Variants in COL19A1 observed in about 807,000 individuals in gnomAD.
COL19A1 encodes collagen type XIX alpha 1 chain.
In COL19A1, 159 loss-of-function variants were observed where a neutral mutation model predicts 190.2. The ratio of observed to expected loss-of-function variants is 0.84; its 90% CI spans 0.73 to 0.95. COL19A1 has a LOEUF of 0.95. Ranked by LOEUF, COL19A1 falls within the 40% of genes least tolerant of loss-of-function variation. The pLI is 0.00. For missense variants in COL19A1, 1,418 were observed against 1,431.9 expected (o/e 0.99, Z 0.16); for synonymous variants, 509 against 458.9 (o/e 1.11, Z -1.39).
chr6:69,938,661 G>A (rs1258924947), intron 9 of COL19A1, among the ~76,000 whole-genome samples: 1 of 152,128 alleles, frequency 6.6e-6, no homozygotes, highest in Non-Finnish European at 1.5e-5. Context: ...GTTAGGTGCT[G>A]TAGGAGAGTT....
chr6:70,211,912 G>GA lies in COL19A1; in HGVS notation c.*4646dup, dbSNP rs991917290. On this transcript the variant is annotated 3_prime_UTR_variant, in exon 51 of 51. Coordinates refer to ENST00000620364, the MANE Select transcript of COL19A1 (RefSeq NM_001858.6). Reference sequence around the variant, plus strand: ...AGCTAAGTCTAAGAAAATCTAAATGGAAAAAAAATTGCGTGTTCAGATCCA... The same window carrying GA: ...AGCTAAGTCTAAGAAAATCTAAATGGAAAAAAAAATTGCGTGTTCAGATCCA... 7.2e-5 allele frequency among the ~76,000 whole-genome samples: 11 copies of GA among 151,774 alleles called. No individual in the cohort carries two copies. The South Asian group carries it at 1.0e-3, about 14-fold the overall frequency.
chr6:70,138,067 G>T (rs1583002914), intron 19 of COL19A1, among the ~76,000 whole-genome samples: 1 of 152,270 alleles, frequency 6.6e-6, no homozygotes, highest in East Asian at 1.9e-4. Flanking sequence ...TCACACCTAG[G>T]TGAGTTGATT....
chr6:69,920,233 A>G (rs958254297), intron 4 of COL19A1, among the ~76,000 whole-genome samples: 5 of 152,314 alleles, frequency 3.3e-5, no homozygotes, highest in African/African-American at 1.2e-4. Flanking sequence ...CCTCACTGGC[A>G]GTGGTTCTGA....
chr6:70,029,007 A>T (rs562385195), intron 12 of COL19A1, among the ~76,000 whole-genome samples: 25 of 152,272 alleles, frequency 1.6e-4, no homozygotes, highest in Non-Finnish European at 5.9e-5. Context: ...AATCTATATT[A>T]TGGTCTTTTA....
At chr6:69,907,698 G>C (rs1371133831) in intron 4 of COL19A1, among the ~76,000 whole-genome samples, 2 of 152,126 alleles carry the variant, frequency 1.3e-5, no homozygotes, top group African/African-American at 4.8e-5. Context: ...AGAAGCTGTA[G>C]TTTACTGTAT....
chr6:70,075,107 A>G (rs536063234), intron 15 of COL19A1, among the ~76,000 whole-genome samples: 1 of 152,320 alleles, frequency 6.6e-6, no homozygotes, highest in East Asian at 1.9e-4. Context: ...TTTACTTGCT[A>G]TGACATTTCT....
At chr6:70,175,787 T>C (rs1225928604) in intron 41 of COL19A1, among the ~76,000 whole-genome samples, 1 of 152,202 alleles carries the variant, frequency 6.6e-6, no homozygotes, top group Non-Finnish European at 1.5e-5. Flanking sequence ...TAAATTAGTT[T>C]AGTTAGCAAT....
At chr6:70,137,817 C>T in intron 19 of COL19A1, 70 bp downstream of exon 19, 3 of 1,484,064 alleles carry the variant, frequency 2.0e-6, no homozygotes, top group South Asian at 1.1e-5. Context: ...GTTTCCAAAT[C>T]AGCCCCAATT....
At chr6:70,135,849 C>T (rs1005169913) in intron 18 of COL19A1, among the ~76,000 whole-genome samples, 3 of 152,252 alleles carry the variant, frequency 2.0e-5, no homozygotes, top group Admixed American at 6.5e-5. Flanking sequence ...GGCTAATGGA[C>T]TTCCATGCTT....
At chr6:70,074,315 A>G (rs1404125014) in intron 15 of COL19A1, among the ~76,000 whole-genome samples, 1 of 152,114 alleles carries the variant, frequency 6.6e-6, no homozygotes, top group South Asian at 2.1e-4. Context: ...CCTGGCCAAC[A>G]TGGTGAAACC....
At position 70,176,546 on chromosome 6, in the gene COL19A1, A is replaced by G. The variant is rs767183961; in HGVS notation, c.2649A>G (p.Pro883=). The part of the protein sequence containing the change: ...VKGDRGPAGP[P]GIAGMSGKPG... ...GAGATCGAGGCCCAGCAGGTCCCCC[A>G]GGAATAGCAGGGATGTCGGTGAGTT... The change falls in exon 42 of 51, where the codon CCA becomes CCG. Residue 883 remains proline (P), a synonymous_variant. Coordinates refer to ENST00000620364, the MANE Select transcript of COL19A1 (RefSeq NM_001858.6). 5 of 1,613,468 alleles carry G rather than the reference A, an allele frequency of 3.1e-6. No individual in the cohort carries two copies. The African/African-American group carries it at 6.7e-5, about 22-fold the overall frequency.
chr6:70,105,815 AT>A (rs916496041), intron 16 of COL19A1, among the ~76,000 whole-genome samples: 71 of 152,268 alleles, frequency 4.7e-4, no homozygotes, highest in African/African-American at 1.6e-3. Context: ...TGTGAAATGT[AT>A]TTTTTAAAAA....
chr6:70,177,645 G>C (rs1212706523), intron 42 of COL19A1, among the ~76,000 whole-genome samples: 1 of 152,180 alleles, frequency 6.6e-6, no homozygotes, highest in Non-Finnish European at 1.5e-5. Context: ...AAGTATTCTT[G>C]AAAGTTGACT....
intron 4 of COL19A1, among the ~76,000 whole-genome samples, chr6:69,925,190 GT>G (rs1562003405): frequency 6.6e-6 from 1 of 152,098 alleles, no homozygotes; most frequent in Admixed American, 6.6e-5. Flanking sequence ...TATTGCCTAG[GT>G]TTTTTTCTAG....
At chr6:69,907,333 T>C (rs1770627075) in intron 4 of COL19A1, among the ~76,000 whole-genome samples, 1 of 151,950 alleles carries the variant, frequency 6.6e-6, no homozygotes, top group Admixed American at 6.6e-5. Flanking sequence ...TTTCACCATG[T>C]CAGCCAGGCT....
In COL19A1 at chr6:70,198,674, G is replaced by A. The variant is rs142426141; in HGVS notation, c.3095-934G>A. On this transcript the variant is annotated intron_variant, in intron 48 of 50. Coordinates refer to ENST00000620364, the MANE Select transcript of COL19A1 (RefSeq NM_001858.6). ...AATTTCATATAGTAGTAAAATATTC[G>A]ATATGCTTTTTTTAGTTATCTGTTG... 1.3e-3 allele frequency among the ~76,000 whole-genome samples: 199 copies of A among 152,254 alleles called. 1 individual carries two copies. Among genetic ancestry groups the A allele is most frequent in the African/African-American group, 4.4e-3 (183 of 41,556 alleles).
In COL19A1 at chr6:70,194,705, A is replaced by G. The variant is rs371411977; in HGVS notation, c.3094+4324A>G. Among the ~76,000 whole-genome samples the G allele has an allele frequency of 7.9e-5, 12 of 152,270 alleles. No individual in the cohort carries two copies. In the East Asian group the frequency reaches 2.1e-3, roughly 27 times the overall value. On this transcript the variant is annotated intron_variant, in intron 48 of 50. Coordinates refer to ENST00000620364, the MANE Select transcript of COL19A1 (RefSeq NM_001858.6). ...AGATCTGAGAAGTTTAATTCTTGCT[A>G]TTACACTGTCCTATTATGCTTGGGA... is the stretch of plus-strand genomic sequence containing the variant.
In COL19A1 at chr6:70,095,162, T is replaced by C. The variant is rs183972005; in HGVS notation, c.1225-7007T>C. 2.6e-3 allele frequency among the ~76,000 whole-genome samples: 400 copies of C among 152,056 alleles called. 5 individuals carry two copies. Among genetic ancestry groups the C allele is most frequent in the African/African-American group, 9.2e-3 (380 of 41,316 alleles). ...TCTTTGTATGATTTGATCAACATTATGTTTATGAGAAACATTTATATTGTT... is the reference window on the plus strand; with the variant it reads ...TCTTTGTATGATTTGATCAACATTACGTTTATGAGAAACATTTATATTGTT... On this transcript the variant is annotated intron_variant, in intron 15 of 50. Transcript: ENST00000620364.
chr6:70,106,329 C>CATGTGTGTGTGTGT lies in COL19A1; in HGVS notation c.1278+4107_1278+4108insATGTGTGTGTGTGT, dbSNP rs59608953. Among the ~76,000 whole-genome samples, 8 of 149,446 alleles carry CATGTGTGTGTGTGT rather than the reference C, an allele frequency of 5.4e-5. No homozygotes were observed. In the South Asian group the frequency reaches 1.1e-3, roughly 20 times the overall value. On this transcript the variant is annotated intron_variant, in intron 16 of 50. Transcript: ENST00000620364. ...TTTCTGACAAATAGCTAAGTGTGTG[C>CATGTGTGTGTGTGT]GTGTGTGTGTGTGTGTGTGTGTGTG...
Sources: gnomAD v4.1 joint callset for allele counts (sites outside exome capture counted in the v4.1 genomes callset) on GRCh38, gnomAD v4.1.1 for gene constraint, MANE v1.5 for transcripts, NCBI Gene and HGNC (gene_info 2026-07-23, HGNC 2026-07-21) for gene names.